SLC22A23: variants seen among roughly 807,000 people sequenced by gnomAD.
SLC22A23 encodes the protein solute carrier family 22 member 23, also known as ion transporter protein.
In SLC22A23, 26 loss-of-function variants were observed where a neutral mutation model predicts 61.0. That is an observed-to-expected ratio of 0.43 (90% confidence interval 0.31 to 0.59). SLC22A23 has a LOEUF of 0.59. Ranked by LOEUF, SLC22A23 falls within the 20% of genes least tolerant of loss-of-function variation. SLC22A23 has a pLI of 0.11. For missense variants in SLC22A23, 796 were observed against 934.7 expected, an observed-to-expected ratio of 0.85 and a Z score of 1.94; for synonymous variants, 430 against 413.9, an observed-to-expected ratio of 1.04 and a Z score of -0.47.
At chr6:3,365,657 C>G (rs1765761727) in intron 3 of SLC22A23, among the ~76,000 whole-genome samples, 1 of 152,136 alleles carries the variant, frequency 6.6e-6, no homozygotes, top group Non-Finnish European at 1.5e-5. Flanking sequence ...AAATGATCCT[C>G]TTGGATTTTC....
intron 6 of SLC22A23, among the ~76,000 whole-genome samples, chr6:3,289,562 C>T (rs1012901088): frequency 1.3e-5 from 2 of 152,244 alleles, no homozygotes; most frequent in African/African-American, 2.4e-5. Flanking sequence ...AGGATTTACA[C>T]GCCTGGGCTG....
chr6:3,405,233 C>G (rs767733039), intron 3 of SLC22A23, among the ~76,000 whole-genome samples: 27 of 151,780 alleles, frequency 1.8e-4, no homozygotes, highest in Non-Finnish European at 2.1e-4. Context: ...TGCACACCAG[C>G]CCAGGCGACA....
At chr6:3,283,152 C>T (rs551807358) in intron 9 of SLC22A23, among the ~76,000 whole-genome samples, 1 of 152,270 alleles carries the variant, frequency 6.6e-6, no homozygotes, top group East Asian at 1.9e-4. Flanking sequence ...GCTCTTTTGG[C>T]CTGGCACGGT....
chr6:3,438,568 C>T lies in SLC22A23; in HGVS notation c.654+17338G>A, dbSNP rs868071997. ...GCTGCTGACAACACTATAAAACCAC[C>T]GTAATAGGAATTAATTATGGAAAAG... On this transcript the variant is annotated intron_variant, in intron 1 of 9. Coordinates refer to ENST00000406686, the MANE Select transcript of SLC22A23 (RefSeq NM_015482.2). 28 of 453,596 alleles carry T rather than the reference C, an allele frequency of 6.2e-5. No homozygotes were observed. In the Middle Eastern group the frequency reaches 2.3e-3, roughly 37 times the overall value. The allele number at this position is 453,596 out of a possible 1,614,324, so 28.1% of individuals were successfully genotyped here.
chr6:3,285,004 C>G (rs79364886), intron 8 of SLC22A23, 75 bp downstream of exon 8: 38,982 of 1,576,440 alleles, frequency 0.025, 1,786 homozygotes, highest in African/African-American at 0.17. Flanking sequence ...ACCACAGGTC[C>G]GTGAGTCTTC....
intron 3 of SLC22A23, among the ~76,000 whole-genome samples, chr6:3,399,063 C>T (rs1427475102): frequency 4.2e-5 from 6 of 142,624 alleles, no homozygotes; most frequent in East Asian, 2.5e-4. Flanking sequence ...ACCGAAAAAA[C>T]GAAAAACACT....
intron 3 of SLC22A23, among the ~76,000 whole-genome samples, chr6:3,369,798 T>C (rs938972843): frequency 3.3e-5 from 5 of 152,268 alleles, no homozygotes; most frequent in African/African-American, 1.2e-4. Flanking sequence ...AAATGCTTCA[T>C]GCTTAGAATG....
rs1765523942 is a variant in SLC22A23 at position 3,362,412 on chromosome 6, A to AAAAAAAAAAAAAAAAAAAAAAAAAAAAC, written c.914-38411_914-38410insGTTTTTTTTTTTTTTTTTTTTTTTTTTT. ...AGCGAGATTCCGTCTCACAAAAAAA[A>AAAAAAAAAAAAAAAAAAAAAAAAAAAAC]AAAATAAAATAAAAAATAAAAAATA... On this transcript the variant is annotated intron_variant, in intron 3 of 9. Transcript: ENST00000406686. Among the ~76,000 whole-genome samples the AAAAAAAAAAAAAAAAAAAAAAAAAAAAC allele has an allele frequency of 2.0e-5, 2 of 99,472 alleles. 1 individual carries two copies. Among genetic ancestry groups the AAAAAAAAAAAAAAAAAAAAAAAAAAAAC allele is most frequent in the African/African-American group, 8.3e-5 (2 of 24,180 alleles). 65.3% of individuals were successfully genotyped at this position (99,472 alleles called of 152,430 possible). A position where few individuals can be genotyped will look rare whatever the true frequency, so the allele number is the denominator to read the frequency against.
chr6:3,370,522 G>A (rs760871645), intron 3 of SLC22A23, among the ~76,000 whole-genome samples: 3 of 152,254 alleles, frequency 2.0e-5, no homozygotes, highest in Non-Finnish European at 4.4e-5. Flanking sequence ...CCCTTGAGGC[G>A]GTGGCCAGGT....
chr6:3,450,452 G>A (rs1344458907), intron 1 of SLC22A23, among the ~76,000 whole-genome samples: 1 of 152,096 alleles, frequency 6.6e-6, no homozygotes, highest in African/African-American at 2.4e-5. Flanking sequence ...GAATACAGAC[G>A]TAAACCACCA....
chr6:3,389,607 G>T (rs1767537352), intron 3 of SLC22A23, among the ~76,000 whole-genome samples: 2 of 152,138 alleles, frequency 1.3e-5, no homozygotes, highest in African/African-American at 4.8e-5. Flanking sequence ...TTACTGCCCG[G>T]CCTCACCACC....
intron 5 of SLC22A23, among the ~76,000 whole-genome samples, chr6:3,292,175 G>A (rs985815467): frequency 1.3e-5 from 2 of 152,180 alleles, no homozygotes; most frequent in African/African-American, 4.8e-5. Context: ...GTCAACAACA[G>A]CATGAAGCTT....
chr6:3,280,731 C>T (rs547952293), intron 9 of SLC22A23, among the ~76,000 whole-genome samples: 53 of 152,154 alleles, frequency 3.5e-4, no homozygotes, highest in African/African-American at 6.3e-4. Flanking sequence ...CTCCTGACCT[C>T]GTGATCTGCC....
At chr6:3,398,455 T>A (rs1403294287) in intron 3 of SLC22A23, among the ~76,000 whole-genome samples, 1 of 79,510 alleles carries the variant, frequency 1.3e-5, no homozygotes, top group Non-Finnish European at 2.6e-5. Flanking sequence ...CAAAGCACTA[T>A]TTTTTTTTTT....
intron 3 of SLC22A23, among the ~76,000 whole-genome samples, chr6:3,337,071 G>A (rs1282576315): frequency 1.3e-5 from 2 of 152,160 alleles, no homozygotes; most frequent in Non-Finnish European, 2.9e-5. Flanking sequence ...GCCTCCCAAA[G>A]TGCTGGAATT....
intron 3 of SLC22A23, among the ~76,000 whole-genome samples, chr6:3,349,579 C>T (rs569818341): frequency 7.2e-5 from 11 of 152,284 alleles, no homozygotes; most frequent in African/African-American, 2.6e-4. Flanking sequence ...TTAGGCTAAC[C>T]GTCACAGCTG....
intron 1 of SLC22A23, among the ~76,000 whole-genome samples, chr6:3,446,860 G>T (rs549254192): frequency 4.3e-4 from 66 of 152,056 alleles, no homozygotes; most frequent in Non-Finnish European, 7.5e-4. Context: ...CATTCCCAAG[G>T]CCTCACCTCA....
chr6:3,344,941 T>C (rs1764339880), intron 3 of SLC22A23, among the ~76,000 whole-genome samples: 1 of 150,698 alleles, frequency 6.6e-6, no homozygotes, highest in African/African-American at 2.5e-5. Flanking sequence ...GTTCAAGAAA[T>C]TTTAAGTATC....
intron 6 of SLC22A23, 23 bp downstream of exon 6, chr6:3,289,741 G>A: frequency 6.2e-7 from 1 of 1,602,430 alleles, no homozygotes; most frequent in South Asian, 1.1e-5. Context: ...CCACCCAGCT[G>A]GCACTTGTCC....
Sources: gnomAD v4.1 joint callset for allele counts (sites outside exome capture counted in the v4.1 genomes callset) on GRCh38, gnomAD v4.1.1 for gene constraint, MANE v1.5 for transcripts, NCBI Gene and HGNC (gene_info 2026-07-23, HGNC 2026-07-21) for gene names.